TENM2: variants seen among roughly 807,000 people sequenced by gnomAD.
TENM2 encodes teneurin transmembrane protein 2, also known as teneurin-2.
In TENM2, 52 loss-of-function variants were observed where a neutral mutation model predicts 245.2. The ratio of observed to expected loss-of-function variants is 0.21; its 90% CI spans 0.17 to 0.27. The LOEUF (loss-of-function observed/expected upper bound fraction) is 0.27. Ranked by LOEUF, TENM2 falls within the 10% of genes least tolerant of loss-of-function variation. TENM2 has a pLI of 1.00. For synonymous variants in TENM2, 1,363 were observed against 1,438.9 expected (o/e 0.95, Z 1.19); for missense variants, 3,046 against 3,666.8 (o/e 0.83, Z 4.37).
At chr5:167,495,223 GT>G (rs199920197) in intron 2 of TENM2, among the ~76,000 whole-genome samples, 1,434 of 125,466 alleles carry the variant, frequency 0.011, 25 homozygotes, top group African/African-American at 0.036. Flanking sequence ...TTCCTTTAAT[GT>G]TTTTTTTGTT....
intron 4 of TENM2, among the ~76,000 whole-genome samples, chr5:167,966,528 A>T (rs867609785): frequency 1.3e-5 from 2 of 152,234 alleles, no homozygotes; most frequent in African/African-American, 4.8e-5. Context: ...TTCAAGAAGA[A>T]GCAATCTTAG....
chr5:167,374,438 T>C (rs1403954569), intron 1 of TENM2, among the ~76,000 whole-genome samples: 1 of 151,346 alleles, frequency 6.6e-6, no homozygotes, highest in Non-Finnish European at 1.5e-5. Context: ...CTTTAAGCAA[T>C]GCATGATAGC....
chr5:168,105,934 A>G (rs940457811), intron 9 of TENM2, among the ~76,000 whole-genome samples: 20 of 152,116 alleles, frequency 1.3e-4, no homozygotes, highest in African/African-American at 4.3e-4. Flanking sequence ...CTTTAACTTC[A>G]GGTGCTTCCT....
At chr5:168,169,164 G>A (rs938153629) in intron 13 of TENM2, among the ~76,000 whole-genome samples, 5 of 152,130 alleles carry the variant, frequency 3.3e-5, no homozygotes, top group South Asian at 2.1e-4. Context: ...GAGAGAAAGC[G>A]CAGCCCATTG....
intron 2 of TENM2, among the ~76,000 whole-genome samples, chr5:167,471,268 G>A (rs1025844629): frequency 6.6e-6 from 1 of 152,220 alleles, no homozygotes; most frequent in Admixed American, 6.5e-5. Context: ...AGATCTACAA[G>A]TACAATCATT....
chr5:167,542,793 A>G (rs1369410475), intron 2 of TENM2, among the ~76,000 whole-genome samples: 1 of 152,176 alleles, frequency 6.6e-6, no homozygotes, highest in African/African-American at 2.4e-5. Context: ...TATAAAACCA[A>G]TAATGAGTTA....
At chr5:167,115,408 C>A in the TENM2 span, among the ~76,000 whole-genome samples, 2 of 152,222 alleles carry the variant, frequency 1.3e-5, no homozygotes, top group Non-Finnish European at 2.9e-5. Flanking sequence ...GCTGCATTTT[C>A]CCCTGGGTTT....
intron 2 of TENM2, among the ~76,000 whole-genome samples, chr5:167,562,195 T>C (rs1004853513): frequency 6.6e-6 from 1 of 152,206 alleles, no homozygotes; most frequent in Non-Finnish European, 1.5e-5. Context: ...GTCTCCTGCA[T>C]GCTTTGCTTT....
At chr5:167,859,716 C>T in intron 2 of TENM2, among the ~76,000 whole-genome samples, 1 of 103,148 alleles carries the variant, frequency 9.7e-6, no homozygotes, top group East Asian at 3.3e-4. Flanking sequence ...GCCAGCCGCC[C>T]CGTCCGGGAG....
At chr5:167,688,697 G>A (rs1016141313) in intron 2 of TENM2, among the ~76,000 whole-genome samples, 2 of 152,180 alleles carry the variant, frequency 1.3e-5, no homozygotes, top group Non-Finnish European at 2.9e-5. Context: ...ATTTTCTGTA[G>A]CAGTTTTTAC....
At chr5:167,834,770 C>T (rs903549611) in intron 2 of TENM2, among the ~76,000 whole-genome samples, 11 of 152,020 alleles carry the variant, frequency 7.2e-5, no homozygotes, top group Non-Finnish European at 1.2e-4. Flanking sequence ...CTGCCTCAGC[C>T]TCCCGAGTAG....
chr5:168,046,937 C>T (rs1003742112), intron 5 of TENM2, among the ~76,000 whole-genome samples: 17 of 152,100 alleles, frequency 1.1e-4, no homozygotes, highest in African/African-American at 3.9e-4. Flanking sequence ...CAGGTACCAG[C>T]AAACAGGTAC....
intron 2 of TENM2, among the ~76,000 whole-genome samples, chr5:167,772,220 A>G (rs988941448): frequency 6.6e-6 from 1 of 152,222 alleles, no homozygotes; most frequent in African/African-American, 2.4e-5. Flanking sequence ...GGTCTTCAGT[A>G]TTTCTGAACT....
At chr5:167,823,711 T>A (rs1767728643) in intron 2 of TENM2, among the ~76,000 whole-genome samples, 1 of 152,220 alleles carries the variant, frequency 6.6e-6, no homozygotes, top group Admixed American at 6.5e-5. Flanking sequence ...GAAAAATCGT[T>A]GTGACAGTTG....
intron 18 of TENM2, 48 bp from the exon 21 acceptor site, chr5:168,204,324 C>T (rs1762182345): frequency 1.3e-6 from 2 of 1,583,206 alleles, no homozygotes; most frequent in Non-Finnish European, 1.7e-6. Context: ...ATACACATGT[C>T]TTCCCCAGAG....
chr5:167,402,463 G>A (rs935723598), intron 2 of TENM2, among the ~76,000 whole-genome samples: 1 of 152,108 alleles, frequency 6.6e-6, no homozygotes, highest in Non-Finnish European at 1.5e-5. Flanking sequence ...AGAACATAAT[G>A]ATGTGAACAT....
At chr5:167,908,356 TC>T (rs1467910040) in intron 3 of TENM2, among the ~76,000 whole-genome samples, 3 of 46,424 alleles carry the variant, frequency 6.5e-5, no homozygotes, top group Admixed American at 2.9e-4. Context: ...TCTCCTCCCC[TC>T]CCCCCTCTTC....
At chr5:167,835,083 A>G (rs908338306) in intron 2 of TENM2, among the ~76,000 whole-genome samples, 2 of 151,994 alleles carry the variant, frequency 1.3e-5, no homozygotes, top group Non-Finnish European at 2.9e-5. Context: ...CTGAGCATGT[A>G]GTACTCTCAA....
At chr5:167,862,665 A>G (rs553304294) in intron 2 of TENM2, among the ~76,000 whole-genome samples, 11 of 152,256 alleles carry the variant, frequency 7.2e-5, no homozygotes, top group African/African-American at 2.6e-4. Context: ...GCCTTCAGAG[A>G]AGAGTACCTT....
Sources: allele counts gnomAD v4.1 joint callset (sites outside exome capture counted in the v4.1 genomes callset), GRCh38; gene constraint gnomAD v4.1.1; transcripts MANE v1.5; gene names NCBI Gene and HGNC (gene_info 2026-07-23, HGNC 2026-07-21).